RBFOX1: variants seen among roughly 807,000 people sequenced by gnomAD.
The protein encoded by RBFOX1 is RNA binding protein fox-1 homolog 1.
A neutral mutation model predicts 57.7 loss-of-function variants in RBFOX1; 8 were observed. The observed-to-expected ratio is 0.14, with a 90% CI of 0.08 to 0.25. RBFOX1 has a LOEUF of 0.25. RBFOX1 is among the 10% of genes least tolerant of loss of function. The probability of loss-of-function intolerance (pLI) is 1.00; values close to 1 mark genes in which losing one functional copy is unlikely to be tolerated. For synonymous variants in RBFOX1, 326 were observed against 222.4 expected (o/e 1.47, Z -4.15); for missense variants, 611 against 548.5 (o/e 1.11, Z -1.14).
At chr16:5,313,007 A>C (rs545184616) in intron 1 of RBFOX1, among the ~76,000 whole-genome samples, 39 of 152,144 alleles carry the variant, frequency 2.6e-4, no homozygotes, top group African/African-American at 8.9e-4. Flanking sequence ...CAGGCACACC[A>C]CTGAGAATGG....
At chr16:5,707,638 G>A (rs11076953) in intron 3 of RBFOX1, among the ~76,000 whole-genome samples, 82,373 of 152,038 alleles carry the variant, frequency 0.54, 25,940 homozygotes, top group Non-Finnish European at 0.72. Flanking sequence ...CTGGCATCAC[G>A]TGTGGCTATG....
intron 4 of RBFOX1, among the ~76,000 whole-genome samples, chr16:7,196,717 C>T (rs749384414): frequency 2.0e-5 from 3 of 152,106 alleles, no homozygotes; most frequent in Non-Finnish European, 2.9e-5. Context: ...GGTCAGGAGT[C>T]ATGCTGCAAA....
intron 4 of RBFOX1, among the ~76,000 whole-genome samples, chr16:7,227,762 C>G (rs915179369): frequency 2.6e-5 from 4 of 152,218 alleles, no homozygotes; most frequent in Non-Finnish European, 5.9e-5. Context: ...ACCCTGGAAT[C>G]TCTCCCTTCC....
At chr16:7,507,627 G>A (rs1260481960) in intron 4 of RBFOX1, among the ~76,000 whole-genome samples, 7 of 143,054 alleles carry the variant, frequency 4.9e-5, no homozygotes, top group Non-Finnish European at 7.6e-5. Flanking sequence ...GCAGTGGCGC[G>A]ATCTTGGCTC....
chr16:6,539,808 C>A (rs1156946967), intron 2 of RBFOX1, among the ~76,000 whole-genome samples: 8 of 135,814 alleles, frequency 5.9e-5, no homozygotes, highest in Non-Finnish European at 1.1e-4. Flanking sequence ...AAAACACAGA[C>A]ACACACACAC....
At chr16:6,956,845 T>C (rs907044807) in intron 3 of RBFOX1, among the ~76,000 whole-genome samples, 2 of 152,076 alleles carry the variant, frequency 1.3e-5, no homozygotes, top group South Asian at 2.1e-4. Context: ...AGGATTTGGA[T>C]GGGCTGGGTA....
intron 4 of RBFOX1, among the ~76,000 whole-genome samples, chr16:7,167,308 T>A (rs1480027307): frequency 6.6e-6 from 1 of 151,912 alleles, no homozygotes; most frequent in Non-Finnish European, 1.5e-5. Context: ...TTTACGGATG[T>A]CACTCATTAA....
At chr16:6,476,468 C>G (rs1029914972) in intron 2 of RBFOX1, among the ~76,000 whole-genome samples, 5 of 152,180 alleles carry the variant, frequency 3.3e-5, no homozygotes, top group Non-Finnish European at 7.3e-5. Context: ...AAAAGCTGTG[C>G]TTTTGTACCA....
intron 2 of RBFOX1, among the ~76,000 whole-genome samples, chr16:5,509,420 G>T (rs1372550016): frequency 6.6e-6 from 1 of 152,174 alleles, no homozygotes; most frequent in Admixed American, 6.5e-5. Context: ...ATTTCCCAAG[G>T]ACAGGGGCCT....
chr16:6,399,645 G>A (rs1175219463), intron 2 of RBFOX1, among the ~76,000 whole-genome samples: 1 of 151,950 alleles, frequency 6.6e-6, no homozygotes, highest in African/African-American at 2.4e-5. Flanking sequence ...CTGTTACCCA[G>A]TTCCAAAGTC....
rs372381673 is a variant in RBFOX1 at position 7,139,176 on chromosome 16, C to CTCTCTCTCTCTCTCTG, written c.27+87079_27+87080insCTCTCTCTCTCTCTGT. 2.6e-3 allele frequency among the ~76,000 whole-genome samples: 386 copies of CTCTCTCTCTCTCTCTG among 145,904 alleles called. 2 individuals carry two copies. The highest frequency in any genetic ancestry group is 4.5e-3 in the Admixed American group (66 of 14,658). On this transcript the variant is annotated intron_variant, in intron 4 of 15. Coordinates refer to ENST00000550418, the MANE Select transcript of RBFOX1 (RefSeq NM_018723.4). Reference sequence around the variant, plus strand: ...TAATGCAGATGAAATCAATCTCTCTCTGTGTGTGTGTGTGTGTGTGTATGT... The same window carrying CTCTCTCTCTCTCTCTG: ...TAATGCAGATGAAATCAATCTCTCTCTCTCTCTCTCTCTCTGTGTGTGTGTGTGTGTGTGTGTATGT...
At chr16:5,795,907 G>A (rs6500720) in intron 3 of RBFOX1, among the ~76,000 whole-genome samples, 84,223 of 152,022 alleles carry the variant, frequency 0.55, 24,620 homozygotes, top group African/African-American at 0.75. Flanking sequence ...TCTTTTGTTT[G>A]CTCTACTGGA....
At chr16:5,528,838 T>A (rs1226230541) in intron 2 of RBFOX1, among the ~76,000 whole-genome samples, 1 of 152,014 alleles carries the variant, frequency 6.6e-6, no homozygotes, top group Non-Finnish European at 1.5e-5. Flanking sequence ...TTAGTAAAGG[T>A]GAGGTTTCAC....
chr16:7,319,631 A>G (rs528723017), intron 4 of RBFOX1, among the ~76,000 whole-genome samples: 1 of 152,272 alleles, frequency 6.6e-6, no homozygotes, highest in South Asian at 2.1e-4. Context: ...TTCAGCATCG[A>G]GGCGAGATTT....
rs566013850 is a variant in RBFOX1, at chr16:5,873,338, C to G, written c.351+6003C>G. On this transcript the variant is annotated intron_variant, in intron 4 of 19. Coordinates refer to the RBFOX1 transcript ENST00000641259. The stretch of plus-strand genomic sequence containing the variant: ...AATTCACATTGGAGTTAATGGCCCT[C>G]TTGTCTCCACCCAAGGACAAGATCC... Among the ~76,000 whole-genome samples the G allele has an allele frequency of 2.6e-5, 4 of 152,300 alleles. No homozygotes were observed. The East Asian group carries it at 7.7e-4, about 29-fold the overall frequency.
chr16:7,453,023 G>C (rs947099489), intron 4 of RBFOX1, among the ~76,000 whole-genome samples: 17 of 151,940 alleles, frequency 1.1e-4, no homozygotes, highest in African/African-American at 3.4e-4. Context: ...CAGCTACTAG[G>C]GGGGCTGAGG....
intron 4 of RBFOX1, among the ~76,000 whole-genome samples, chr16:7,215,212 C>T (rs558384226): frequency 2.5e-4 from 38 of 152,206 alleles, no homozygotes; most frequent in African/African-American, 8.2e-4. Context: ...CAGCTTCATC[C>T]GTGTCTCCAA....
At chr16:6,014,415 C>T (rs368605235), upstream of RBFOX1, among the ~76,000 whole-genome samples, 114 of 152,226 alleles carry the variant, frequency 7.5e-4, 1 homozygote, top group South Asian at 0.023. Context: ...GCTGTCTTTT[C>T]ACAAAAAAGA....
At chr16:7,193,076 G>C (rs954554557) in intron 4 of RBFOX1, among the ~76,000 whole-genome samples, 8 of 152,180 alleles carry the variant, frequency 5.3e-5, no homozygotes, top group Non-Finnish European at 1.2e-4. Context: ...CACTGCAAAG[G>C]AAAATTAAGA....
Sources: gnomAD v4.1 joint callset for allele counts (sites outside exome capture counted in the v4.1 genomes callset) on GRCh38, gnomAD v4.1.1 for gene constraint, MANE v1.5 for transcripts, NCBI Gene and HGNC (gene_info 2026-07-23, HGNC 2026-07-21) for gene names.